ZDHHC14: variants seen among roughly 807,000 people sequenced by gnomAD.
The protein encoded by ZDHHC14 is zDHHC palmitoyltransferase 14, also known as palmitoyltransferase ZDHHC14.
A neutral mutation model predicts 47.7 loss-of-function variants in ZDHHC14; 16 were observed. That is an observed-to-expected ratio of 0.34 (90% CI 0.23 to 0.51). The LOEUF is 0.51. Ranked by LOEUF, ZDHHC14 falls within the 20% of genes least tolerant of loss-of-function variation. ZDHHC14 has a pLI of 0.97. For missense variants in ZDHHC14, 515 were observed against 662.5 expected, an observed-to-expected ratio of 0.78 and a Z score of 2.44; for synonymous variants, 293 against 278.9, an observed-to-expected ratio of 1.05 and a Z score of -0.50.
chr6:157,562,464 G>T (rs1052200439), intron 2 of ZDHHC14, among the ~76,000 whole-genome samples: 2 of 152,154 alleles, frequency 1.3e-5, no homozygotes, highest in African/African-American at 4.8e-5. Flanking sequence ...TGTTGGTGGG[G>T]CCAGGGCTGC....
intron 3 of ZDHHC14, among the ~76,000 whole-genome samples, chr6:157,608,584 A>G (rs2115934): frequency 0.81 from 123,981 of 152,180 alleles, 51,074 homozygotes; most frequent in African/African-American, 0.95. Context: ...GCAGGAGAAG[A>G]TGGGCCTGCC....
At chr6:157,519,529 G>A (rs1241036439) in intron 1 of ZDHHC14, among the ~76,000 whole-genome samples, 9 of 152,296 alleles carry the variant, frequency 5.9e-5, no homozygotes, top group South Asian at 2.1e-4. Flanking sequence ...AAAAGGTGCC[G>A]TCTTGGTTGT....
intron 8 of ZDHHC14, 79 bp downstream of exon 8, chr6:157,653,706 C>A: frequency 7.0e-7 from 1 of 1,424,182 alleles, no homozygotes; most frequent in Non-Finnish European, 9.7e-7. Flanking sequence ...AAGCAGCCTT[C>A]CTAGCAAACC....
intron 8 of ZDHHC14, among the ~76,000 whole-genome samples, chr6:157,655,073 T>A (rs1236979732): frequency 6.6e-6 from 1 of 152,200 alleles, no homozygotes; most frequent in African/African-American, 2.4e-5. Context: ...TTCAAGGTCC[T>A]TGCCGCTCCA....
intron 5 of ZDHHC14, among the ~76,000 whole-genome samples, chr6:157,635,658 A>G (rs1010338652): frequency 6.6e-6 from 1 of 151,964 alleles, no homozygotes; most frequent in African/African-American, 2.4e-5. Flanking sequence ...TGCACGCTGC[A>G]TGGTGTGGCT....
At chr6:157,476,811 C>A (rs536035797) in intron 1 of ZDHHC14, among the ~76,000 whole-genome samples, 1 of 152,044 alleles carries the variant, frequency 6.6e-6, no homozygotes, top group Admixed American at 6.5e-5. Flanking sequence ...AAATCATCAT[C>A]GCAATAGATG....
intron 3 of ZDHHC14, among the ~76,000 whole-genome samples, chr6:157,597,976 G>C: frequency 6.6e-6 from 1 of 152,032 alleles, no homozygotes; most frequent in Non-Finnish European, 1.5e-5. Flanking sequence ...TCATTCCCTC[G>C]CCTCTTTTTG....
chr6:157,476,526 AG>A (rs1779488101), intron 1 of ZDHHC14, among the ~76,000 whole-genome samples: 1 of 152,238 alleles, frequency 6.6e-6, no homozygotes, highest in Non-Finnish European at 1.5e-5. Context: ...AAACAACTGA[AG>A]AGGAAGGAAT....
At chr6:157,423,592 A>G (rs2114772804) in intron 1 of ZDHHC14, among the ~76,000 whole-genome samples, 1 of 152,304 alleles carries the variant, frequency 6.6e-6, no homozygotes, top group South Asian at 2.1e-4. Context: ...TAACACTGAG[A>G]TTGGGTATTC....
At chr6:157,506,753 T>C (rs1562452737) in intron 1 of ZDHHC14, among the ~76,000 whole-genome samples, 1 of 152,190 alleles carries the variant, frequency 6.6e-6, no homozygotes, top group Non-Finnish European at 1.5e-5. Context: ...GGAATGTTAA[T>C]GTGAGCTATT....
chr6:157,591,508 T>C (rs539663863), intron 2 of ZDHHC14, among the ~76,000 whole-genome samples: 1 of 152,330 alleles, frequency 6.6e-6, no homozygotes, highest in East Asian at 1.9e-4. Context: ...TTTGCTTCCC[T>C]TTCTGTCATG....
chr6:157,597,192 C>T (rs939477175), intron 3 of ZDHHC14, among the ~76,000 whole-genome samples: 3 of 152,166 alleles, frequency 2.0e-5, no homozygotes, highest in Non-Finnish European at 2.9e-5. Context: ...GCCAGGGAGC[C>T]ACCTCTTCTC....
At chr6:157,584,434 G>A (rs1336574419) in intron 2 of ZDHHC14, among the ~76,000 whole-genome samples, 1 of 152,164 alleles carries the variant, frequency 6.6e-6, no homozygotes, top group Non-Finnish European at 1.5e-5. Context: ...TATAATTTGG[G>A]ATTTTTCCTT....
chr6:157,444,489 C>T (rs558363282), intron 1 of ZDHHC14, among the ~76,000 whole-genome samples: 2 of 152,066 alleles, frequency 1.3e-5, no homozygotes, highest in African/African-American at 4.8e-5. Context: ...ACCAGCCTGA[C>T]GAACATGGTG....
chr6:157,499,957 T>G (rs1177179267), intron 1 of ZDHHC14, among the ~76,000 whole-genome samples: 1 of 152,216 alleles, frequency 6.6e-6, no homozygotes, highest in Non-Finnish European at 1.5e-5. Context: ...TCAAGGGGCT[T>G]ATGTTCTAGT....
chr6:157,558,873 A>G (rs1213610012), intron 2 of ZDHHC14, among the ~76,000 whole-genome samples: 1 of 152,104 alleles, frequency 6.6e-6, no homozygotes, highest in Admixed American at 6.5e-5. Context: ...TTTCTAGGGG[A>G]GAAGCATCTG....
chr6:157,632,690 A>T (rs1042680528), intron 4 of ZDHHC14, 144 bp from the exon 5 acceptor site: 17 of 809,866 alleles, frequency 2.1e-5, no homozygotes, highest in Non-Finnish European at 3.4e-5. Context: ...TCAATCTCTG[A>T]TCGGTAAACT....
chr6:157,533,674 G>C (rs916184219), intron 1 of ZDHHC14, among the ~76,000 whole-genome samples: 1 of 152,200 alleles, frequency 6.6e-6, no homozygotes, highest in Non-Finnish European at 1.5e-5. Context: ...GAGCAGAGGA[G>C]GGACGTGCTC....
chr6:157,620,708 A>G (rs949530488), intron 3 of ZDHHC14, among the ~76,000 whole-genome samples: 6 of 152,190 alleles, frequency 3.9e-5, no homozygotes, highest in African/African-American at 1.4e-4. Context: ...TCCTGCTGCC[A>G]TGCTGGGCCT....
Sources: allele counts gnomAD v4.1 joint callset (sites outside exome capture counted in the v4.1 genomes callset), GRCh38; gene constraint gnomAD v4.1.1; transcripts MANE v1.5; gene names NCBI Gene and HGNC (gene_info 2026-07-23, HGNC 2026-07-21).